Variants in PRDM16 observed in about 807,000 individuals in gnomAD.
PRDM16 encodes histone-lysine N-methyltransferase PRDM16.
A neutral mutation model predicts 110.6 loss-of-function variants in PRDM16; 23 were observed. The observed-to-expected ratio is 0.21, with a 90% CI of 0.15 to 0.29. The LOEUF (loss-of-function observed/expected upper bound fraction) is 0.29. PRDM16 is among the 10% of genes least tolerant of loss of function. The pLI is 1.00. For synonymous variants in PRDM16, 799 were observed against 781.8 expected (o/e 1.02, Z -0.37); for missense variants, 1,615 against 1,794.3 (o/e 0.90, Z 1.81).
chr1:3,301,332 C>CAAAA (rs70938084), intron 3 of PRDM16, among the ~76,000 whole-genome samples: 1 of 101,874 alleles, frequency 9.8e-6, no homozygotes, highest in Admixed American at 1.1e-4. Flanking sequence ...GATCCCATCT[C>CAAAA]AAAAAAAAAA....
At chr1:3,307,049 G>A (rs1008633062) in intron 3 of PRDM16, 1 of 152,264 alleles carries the variant, frequency 6.6e-6, no homozygotes, top group Admixed American at 6.5e-5. Context: ...GTGTCGTATG[G>A]AGGGGCCACA....
intron 3 of PRDM16, among the ~76,000 whole-genome samples, chr1:3,295,878 G>A (rs1641078760): frequency 6.6e-6 from 1 of 152,182 alleles, no homozygotes; most frequent in South Asian, 2.1e-4. Flanking sequence ...TGTGCATGGT[G>A]AGAACTGGGG....
At chr1:3,117,411 G>A (rs941381963) in intron 1 of PRDM16, among the ~76,000 whole-genome samples, 7 of 152,144 alleles carry the variant, frequency 4.6e-5, no homozygotes, top group South Asian at 4.1e-4. Context: ...GGGAGCTGGC[G>A]GGTGAGAACG....
At chr1:3,182,905 C>T (rs1468599618) in intron 1 of PRDM16, among the ~76,000 whole-genome samples, 5 of 152,186 alleles carry the variant, frequency 3.3e-5, no homozygotes, top group African/African-American at 1.2e-4. Context: ...CCAGCCAAGT[C>T]CACCTCTTCC....
At chr1:3,224,884 AG>A (rs1230449515) in intron 2 of PRDM16, among the ~76,000 whole-genome samples, 1 of 152,240 alleles carries the variant, frequency 6.6e-6, no homozygotes, top group Non-Finnish European at 1.5e-5. Flanking sequence ...TTGTGTCTCC[AG>A]AGAAATTGCT....
chr1:3,363,769 G>A (rs1642760139), intron 3 of PRDM16, among the ~76,000 whole-genome samples: 1 of 152,112 alleles, frequency 6.6e-6, no homozygotes, highest in Non-Finnish European at 1.5e-5. Context: ...TCAGGAAGCT[G>A]AAATGTCAGG....
At chr1:3,120,923 T>C (rs769360642) in intron 1 of PRDM16, among the ~76,000 whole-genome samples, 1 of 152,184 alleles carries the variant, frequency 6.6e-6, no homozygotes, top group Non-Finnish European at 1.5e-5. Flanking sequence ...CTCCTCACCT[T>C]CAGGAGCTGT....
At chr1:3,375,293 G>A (rs1478820688) in intron 3 of PRDM16, among the ~76,000 whole-genome samples, 4 of 152,202 alleles carry the variant, frequency 2.6e-5, no homozygotes, top group East Asian at 1.9e-4. Flanking sequence ...ACCGGCTGCC[G>A]AGCCCAAGGT....
At chr1:3,077,299 C>T (rs1302609664) in intron 1 of PRDM16, among the ~76,000 whole-genome samples, 1 of 152,190 alleles carries the variant, frequency 6.6e-6, no homozygotes, top group African/African-American at 2.4e-5. Flanking sequence ...CTCTGTTCAC[C>T]CCAACTCTGC....
At chr1:3,407,872 C>T (rs1024066126) in intron 8 of PRDM16, among the ~76,000 whole-genome samples, 24 of 152,222 alleles carry the variant, frequency 1.6e-4, no homozygotes, top group African/African-American at 5.8e-4. Flanking sequence ...TCCACACACT[C>T]GGCTCACCTT....
chr1:3,181,352 T>TCA (rs1483114925), intron 1 of PRDM16, among the ~76,000 whole-genome samples: 2 of 57,896 alleles, frequency 3.5e-5, no homozygotes, highest in Non-Finnish European at 7.4e-5. Flanking sequence ...ACACACGGTC[T>TCA]TACACACGGT....
chr1:3,252,797 C>T (rs1639963952), intron 3 of PRDM16, among the ~76,000 whole-genome samples: 3 of 152,090 alleles, frequency 2.0e-5, no homozygotes, highest in Admixed American at 2.0e-4. Flanking sequence ...AGCAGCAGTG[C>T]CGAGCCTCCC....
At chr1:3,167,008 C>A (rs1232256229) in intron 1 of PRDM16, among the ~76,000 whole-genome samples, 3 of 152,190 alleles carry the variant, frequency 2.0e-5, no homozygotes, top group African/African-American at 4.8e-5. Flanking sequence ...TGAACACGCA[C>A]CCTCCAACTG....
At chr1:3,223,103 CT>C (rs1172383270) in intron 2 of PRDM16, among the ~76,000 whole-genome samples, 9,708 of 73,708 alleles carry the variant, frequency 0.13, 247 homozygotes, top group African/African-American at 0.3. Context: ...AAAATCAAGG[CT>C]TTTTTTTTTT....
chr1:3,334,007 C>T (rs2100494442), intron 3 of PRDM16, among the ~76,000 whole-genome samples: 1 of 152,298 alleles, frequency 6.6e-6, no homozygotes, highest in Admixed American at 6.5e-5. Flanking sequence ...CTTTACCCAG[C>T]CTCAGGTGTT....
In PRDM16 at chr1:3,201,280, C is replaced by T. The variant is rs562938604; in HGVS notation, c.387+14806C>T. Among the ~76,000 whole-genome samples, 13 of 83,488 alleles carry T rather than the reference C, an allele frequency of 1.6e-4. No homozygotes were observed. The highest frequency in any genetic ancestry group is 4.5e-4 in the African/African-American group (8 of 17,960). The allele number at this position is 83,488 out of a possible 152,430, so 54.8% of individuals were successfully genotyped here. A position where few individuals can be genotyped will look rare whatever the true frequency, so the allele number is the denominator to read the frequency against. On this transcript the variant is annotated intron_variant, in intron 2 of 16. Transcript: ENST00000270722. This position sits in a 1 kb window ranked among gnomAD's most constrained non-coding sequence, Gnocchi z 4.1. ...ATGTATTTCTCTTGCCTCTAAAATT[C>T]GCTTTGTCATGGGATTTAAAATTAC...
rs1299231599 is a variant in PRDM16, at chr1:3,226,876, C to A, written c.388-17211C>A. On this transcript the variant is annotated intron_variant, in intron 2 of 16. Coordinates refer to ENST00000270722, the MANE Select transcript of PRDM16 (RefSeq NM_022114.4). ...TTGTACAGTGCTCCGCGCTAATCAA[C>A]ATCCAATGCCCGTTCTCTTTAAGAC... Among the ~76,000 whole-genome samples, 5 of 152,024 alleles carry A rather than the reference C, an allele frequency of 3.3e-5. No individual in the cohort carries two copies. In the South Asian group the frequency reaches 1.1e-3, roughly 32 times the overall value.
chr1:3,219,491 G>C (rs909315943), intron 2 of PRDM16, among the ~76,000 whole-genome samples: 1 of 152,222 alleles, frequency 6.6e-6, no homozygotes, highest in Admixed American at 6.5e-5. Context: ...TCCAGCGTGG[G>C]AGGAGAGCGC....
Position 3,069,897 on chromosome 1 carries a change from A to G in PRDM16, c.37+601A>G, listed in dbSNP as rs1641705815. The stretch of plus-strand genomic sequence containing the variant: ...CACCCGGCTCCGCGGGCGCAGGGGC[A>G]GGGGTGGCGACGGCGGGACAGCCGC... On this transcript the variant is annotated intron_variant, in intron 1 of 16. Coordinates refer to ENST00000270722, the MANE Select transcript of PRDM16 (RefSeq NM_022114.4). This position sits in a 1 kb window ranked among gnomAD's most constrained non-coding sequence, Gnocchi z 6.1. Among the ~76,000 whole-genome samples the G allele has an allele frequency of 6.6e-6, 1 of 151,380 alleles. No homozygotes were observed. The highest frequency in any genetic ancestry group is 1.5e-5 in the Non-Finnish European group (1 of 67,810).
Sources: allele counts gnomAD v4.1 joint callset (sites outside exome capture counted in the v4.1 genomes callset), GRCh38; gene constraint gnomAD v4.1.1; non-coding constraint Gnocchi (gnomAD v3.1); transcripts MANE v1.5; gene names NCBI Gene and HGNC (gene_info 2026-07-23, HGNC 2026-07-21).